LRP11: variants seen among roughly 807,000 people sequenced by gnomAD.
LRP11 encodes the protein low-density lipoprotein receptor-related protein 11.
A neutral mutation model predicts 43.1 loss-of-function variants in LRP11; 25 were observed. The observed-to-expected ratio is 0.58, with a 90% confidence interval of 0.42 to 0.81. LRP11 has a LOEUF of 0.81. Among genes scored for constraint, LRP11 ranks in the 30% least tolerant of loss-of-function variants. The pLI is 0.00. For missense variants in LRP11, 623 were observed against 665.1 expected (o/e 0.94, Z 0.70); for synonymous variants, 316 against 299.4 (o/e 1.06, Z -0.57).
intron 3 of LRP11, among the ~76,000 whole-genome samples, chr6:149,838,879 T>A (rs1776507574): frequency 6.6e-6 from 1 of 152,024 alleles, no homozygotes; most frequent in Non-Finnish European, 1.5e-5. Flanking sequence ...CAACATGGAC[T>A]AAGGCACAAG....
At chr6:149,863,095 CCAT>C (rs1354449429) in intron 1 of LRP11, among the ~76,000 whole-genome samples, 4 of 152,108 alleles carry the variant, frequency 2.6e-5, no homozygotes, top group African/African-American at 9.7e-5. Flanking sequence ...CTTATACAAC[CCAT>C]GAGACTAAAA....
In LRP11 at chr6:149,826,351, A is replaced by AACT. The variant is rs1460861467; in HGVS notation, c.1258_1260dup (p.Ser422dup). 2 of 1,610,468 alleles carry AACT rather than the reference A, an allele frequency of 1.2e-6. No individual in the cohort carries two copies. The highest frequency in any genetic ancestry group is 2.7e-5 in the African/African-American group (2 of 74,970). ...TCCTCTTTTCTGTTCTTCCCTGAGG[A>AACT]ACTACTATCTGCAGAAAAGAAAGAG... On this transcript the variant is annotated inframe_insertion, in exon 6 of 7. Transcript: ENST00000239367.
chr6:149,832,192 T>A lies in LRP11; in HGVS notation c.1252+3893A>T, dbSNP rs951670030. On this transcript the variant is annotated intron_variant, in intron 5 of 6. Coordinates refer to ENST00000239367, the MANE Select transcript of LRP11 (RefSeq NM_032832.6). The stretch of plus-strand genomic sequence containing the variant: ...TAACAAGTCTTCCATGAGCTAAGTC[T>A]TTTTTTTTTTTTTTTTTGAGACTGA... 6.8e-4 allele frequency among the ~76,000 whole-genome samples: 32 copies of A among 47,102 alleles called. No homozygotes were observed. In the South Asian group the frequency reaches 0.022, roughly 32 times the overall value. 30.9% of individuals were successfully genotyped at this position (47,102 alleles called of 152,430 possible).
intron 3 of LRP11, among the ~76,000 whole-genome samples, chr6:149,840,378 C>A (rs554122811): frequency 6.6e-6 from 1 of 152,318 alleles, no homozygotes; most frequent in East Asian, 1.9e-4. Context: ...GTTACCCACA[C>A]AAGACCTATA....
chr6:149,818,770 T>C lies in LRP11; in HGVS notation c.*1779A>G, dbSNP rs1269104263. ...CAGCTCAGTCAATAATAGCAACTTA[T>C]GATTATATTAAAAGGAAAAAAAGGC... On this transcript the variant is annotated 3_prime_UTR_variant, in exon 7 of 7. Coordinates refer to ENST00000239367, the MANE Select transcript of LRP11 (RefSeq NM_032832.6). 2 of 152,170 alleles carry C rather than the reference T, an allele frequency of 1.3e-5. No homozygotes were observed. The highest frequency in any genetic ancestry group is 6.5e-5 in the Admixed American group (1 of 15,272). 9.4% of individuals were successfully genotyped at this position (152,170 alleles called of 1,614,324 possible). A position where few individuals can be genotyped will look rare whatever the true frequency, so the allele number is the denominator to read the frequency against.
At chr6:149,855,630 T>A (rs574835012) in intron 1 of LRP11, among the ~76,000 whole-genome samples, 24 of 151,480 alleles carry the variant, frequency 1.6e-4, no homozygotes, top group African/African-American at 5.6e-4. Context: ...ATGTGAGGGG[T>A]CTGGGGCTCT....
At chr6:149,832,910 G>A (rs1245545723) in intron 5 of LRP11, among the ~76,000 whole-genome samples, 6 of 151,438 alleles carry the variant, frequency 4.0e-5, no homozygotes, top group South Asian at 4.2e-4. Context: ...CCGGGTTCAC[G>A]CCATTCTCCT....
At chr6:149,861,934 G>GT (rs1386329970) in intron 1 of LRP11, among the ~76,000 whole-genome samples, 2 of 152,224 alleles carry the variant, frequency 1.3e-5, no homozygotes, top group Non-Finnish European at 2.9e-5. Flanking sequence ...GGCAATGTCA[G>GT]TTTCTTCCAG....
At chr6:149,852,924 G>T in intron 2 of LRP11, 79 bp downstream of exon 2, 1 of 1,295,982 alleles carries the variant, frequency 7.7e-7, no homozygotes, top group Non-Finnish European at 1.1e-6. Context: ...GACATTTAGG[G>T]AGCATGAAGT....
chr6:149,858,298 T>G (rs1776833534), intron 1 of LRP11, among the ~76,000 whole-genome samples: 1 of 152,234 alleles, frequency 6.6e-6, no homozygotes, highest in Non-Finnish European at 1.5e-5. Flanking sequence ...ATATGCGGTG[T>G]TTGGTTTTCT....
intron 1 of LRP11, among the ~76,000 whole-genome samples, chr6:149,858,386 T>C (rs920980957): frequency 4.6e-5 from 7 of 152,208 alleles, no homozygotes; most frequent in Non-Finnish European, 8.8e-5. Flanking sequence ...ATCCTTTTTT[T>C]ATGGCTGCAC....
intron 2 of LRP11, among the ~76,000 whole-genome samples, chr6:149,850,842 A>ATCTTTTGCCCACCTCAAAG (rs1172890338): frequency 6.6e-6 from 1 of 152,176 alleles, no homozygotes; most frequent in Non-Finnish European, 1.5e-5. Context: ...GTACTTAGTA[A>ATCTTTTGCCCACCTCAAAG]TCTTTTGCCC....
chr6:149,830,782 G>T (rs1284815872), intron 5 of LRP11, among the ~76,000 whole-genome samples: 1 of 152,188 alleles, frequency 6.6e-6, no homozygotes, highest in Admixed American at 6.5e-5. Context: ...GATGTAGGGA[G>T]GGATCAGGTA....
chr6:149,826,314 A>G lies in LRP11; in HGVS notation c.1298T>C (p.Phe433Ser). 1 of 1,613,836 alleles carries G rather than the reference A, an allele frequency of 6.2e-7. No homozygotes were observed. The highest frequency in any genetic ancestry group is 2.2e-5 in the East Asian group (1 of 44,882). Residue 433 changes from phenylalanine (F) to serine (S), a missense_variant, in exon 6 of 7, where the codon TTT becomes TCT. Transcript: ENST00000239367. ...GKNRKEESYI[F>S]ESKGDGGGGE... is the part of the protein sequence containing the mutation. Reference sequence around the variant, plus strand: ...TCCTCCTCCATCACCCTTTGACTCAAATATATAACTTTCCTCTTTTCTGTT... The same window carrying G: ...TCCTCCTCCATCACCCTTTGACTCAGATATATAACTTTCCTCTTTTCTGTT...
rs1776259346 is a variant in LRP11, at chr6:149,820,259, G to A, written c.*290C>T. The A allele has an allele frequency of 3.9e-6, 1 of 254,530 alleles. No homozygotes were observed. The highest frequency in any genetic ancestry group is 2.3e-5 in the African/African-American group (1 of 43,238). 15.8% of individuals were successfully genotyped at this position (254,530 alleles called of 1,614,324 possible). ...CAGTCATCCTAATACCACCTCCTGA[G>A]ATGCTGAATTTTCTCTCAGCTAAGT... On this transcript the variant is annotated 3_prime_UTR_variant, in exon 7 of 7. Coordinates refer to ENST00000239367, the MANE Select transcript of LRP11 (RefSeq NM_032832.6).
intron 3 of LRP11, 26 bp from the exon 4 acceptor site, chr6:149,837,489 C>T (rs1301595088): frequency 4.4e-6 from 7 of 1,609,082 alleles, no homozygotes; most frequent in Non-Finnish European, 5.9e-6. Flanking sequence ...TCTCAAGTCA[C>T]ACGAGTGCAG....
At chr6:149,860,416 C>T (rs1317429543) in intron 1 of LRP11, among the ~76,000 whole-genome samples, 1 of 152,116 alleles carries the variant, frequency 6.6e-6, no homozygotes, top group African/African-American at 2.4e-5. Context: ...TCCCTCCCTC[C>T]CTCCTGCTGT....
At position 149,864,149 on chromosome 6, in the gene LRP11, C is replaced by T. The variant is rs953846142; in HGVS notation, c.-129G>A. On this transcript the variant is annotated 5_prime_UTR_variant, in exon 1 of 7. Transcript: ENST00000239367. ...CTGGCTCTAGGCCCCGGCCTCACAG[C>T]GCGGCGCCCCCGAACCCGGCTGCTC... 5.2e-6 allele frequency: 6 copies of T among 1,154,568 alleles called. No individual in the cohort carries two copies. The African/African-American group carries it at 9.8e-5, about 19-fold the overall frequency. The allele number at this position is 1,154,568 out of a possible 1,614,324, so 71.5% of individuals were successfully genotyped here.
chr6:149,832,442 C>A (rs763407070), intron 5 of LRP11, among the ~76,000 whole-genome samples: 3 of 152,026 alleles, frequency 2.0e-5, no homozygotes, highest in Non-Finnish European at 1.5e-5. Flanking sequence ...CCTGCCTCGG[C>A]CTCCCAAAGT....
Sources: allele counts gnomAD v4.1 joint callset (sites outside exome capture counted in the v4.1 genomes callset), GRCh38; gene constraint gnomAD v4.1.1; transcripts MANE v1.5; gene names NCBI Gene and HGNC (gene_info 2026-07-23, HGNC 2026-07-21).